Variants in NR2E1 observed in about 807,000 individuals in gnomAD.
NR2E1 encodes the protein nuclear receptor TLX.
Under a neutral mutation model 43.6 loss-of-function variants are expected in NR2E1, and 5 were observed. That is an observed-to-expected ratio of 0.11 (90% CI 0.06 to 0.24). The LOEUF is 0.24. Among genes scored for constraint, NR2E1 ranks in the 10% least tolerant of loss-of-function variants. The probability of loss-of-function intolerance (pLI) is 1.00; values close to 1 mark genes in which losing one functional copy is unlikely to be tolerated. For synonymous variants in NR2E1, 191 were observed against 195.5 expected, an observed-to-expected ratio of 0.98 and a Z score of 0.19; for missense variants, 287 against 496.7, an observed-to-expected ratio of 0.58 and a Z score of 4.01.
At chr6:108,185,702 A>G (rs955705703) in intron 8 of NR2E1, among the ~76,000 whole-genome samples, 3 of 152,160 alleles carry the variant, frequency 2.0e-5, no homozygotes, top group Admixed American at 1.3e-4. Flanking sequence ...ATACATTGCT[A>G]TTGTTTCTGG....
intron 1 of NR2E1, among the ~76,000 whole-genome samples, chr6:108,167,332 A>C (rs1773725780): frequency 6.6e-6 from 1 of 152,202 alleles, no homozygotes; most frequent in Non-Finnish European, 1.5e-5. Context: ...GGGGAATTTA[A>C]AGTATGGCGA....
chr6:108,174,723 G>A (rs2114674651), intron 2 of NR2E1, 113 bp from the exon 3 acceptor site: 2 of 826,148 alleles, frequency 2.4e-6, no homozygotes, highest in Middle Eastern at 3.4e-4. Context: ...GGGGCTCCAG[G>A]GCCTGCGGCC....
chr6:108,173,500 A>G (rs757564103), intron 2 of NR2E1, among the ~76,000 whole-genome samples: 5 of 152,222 alleles, frequency 3.3e-5, no homozygotes, highest in Admixed American at 1.3e-4. Flanking sequence ...GGATATGAAC[A>G]TCTGTCCCAC....
intron 1 of NR2E1, among the ~76,000 whole-genome samples, chr6:108,170,752 A>G (rs1248816785): frequency 1.3e-5 from 2 of 152,112 alleles, no homozygotes; most frequent in Admixed American, 6.5e-5. Context: ...GGGAACCGAC[A>G]ACTTGCGTCG....
intron 1 of NR2E1, among the ~76,000 whole-genome samples, chr6:108,167,170 C>T (rs1167579472): frequency 6.6e-6 from 1 of 152,142 alleles, no homozygotes; most frequent in Non-Finnish European, 1.5e-5. Context: ...CTCCGAGCTC[C>T]AGCGCGCAAA....
In NR2E1 at chr6:108,173,816, G is replaced by A. The variant is rs1582443913; in HGVS notation, c.172-1020G>A. On this transcript the variant is annotated intron_variant, in intron 2 of 8. Transcript: ENST00000368986. ...TATGTATCTATGCATATGTCCCCTC[G>A]GTAATGACATCTAACACTGAATAAA... Among the ~76,000 whole-genome samples, 3 of 152,004 alleles carry A rather than the reference G, an allele frequency of 2.0e-5. No individual in the cohort carries two copies. In the South Asian group the frequency reaches 6.2e-4, roughly 31 times the overall value.
chr6:108,170,667 A>G lies in NR2E1; in HGVS notation c.26-791A>G, dbSNP rs761427506. 3.2e-4 allele frequency among the ~76,000 whole-genome samples: 48 copies of G among 152,126 alleles called. 1 individual carries two copies. The highest frequency in any genetic ancestry group is 5.3e-4 in the Non-Finnish European group (36 of 68,024). Reference sequence around the variant, plus strand: ...GGGAGGAAGAGATCCACACAGGACCAAGTGTGTGGAGGCCAGTCTTCTAGG... The same window carrying G: ...GGGAGGAAGAGATCCACACAGGACCGAGTGTGTGGAGGCCAGTCTTCTAGG... On this transcript the variant is annotated intron_variant, in intron 1 of 8. Coordinates refer to ENST00000368986, the MANE Select transcript of NR2E1 (RefSeq NM_003269.5).
Position 108,167,922 on chromosome 6 carries a change from C to T in NR2E1, c.25+1132C>T, listed in dbSNP as rs1773737602. On this transcript the variant is annotated intron_variant, in intron 1 of 8. Transcript: ENST00000368986. ...TAAGTGGGATGCAATTCCCGCCCTC[C>T]TACCCCCCTCCAAGAAGGAGGTTGT... 3.9e-6 allele frequency: 5 copies of T among 1,284,980 alleles called. No individual in the cohort carries two copies. In the East Asian group the frequency reaches 1.0e-4, roughly 26 times the overall value. 79.6% of individuals were successfully genotyped at this position (1,284,980 alleles called of 1,614,324 possible).
chr6:108,167,625 G>C (rs1021151119), intron 1 of NR2E1, among the ~76,000 whole-genome samples: 2 of 152,132 alleles, frequency 1.3e-5, no homozygotes, highest in Non-Finnish European at 2.9e-5. Flanking sequence ...GCGCGGTCAC[G>C]GTGCTCAGAT....
chr6:108,171,658 T>C (rs1773814405), intron 2 of NR2E1, 55 bp downstream of exon 2: 4 of 1,609,876 alleles, frequency 2.5e-6, no homozygotes, highest in Non-Finnish European at 2.5e-6. Flanking sequence ...CCTCACTCTT[T>C]TGTTTGTGCC....
intron 4 of NR2E1, 123 bp from the exon 5 acceptor site, chr6:108,177,972 A>T: frequency 9.2e-7 from 1 of 1,082,934 alleles, no homozygotes; most frequent in Non-Finnish European, 1.4e-6. Flanking sequence ...CTGCATGTTT[A>T]AACAAAACAT....
chr6:108,174,956 T>C (rs1427068624), intron 3 of NR2E1, 33 bp downstream of exon 3: 4 of 1,580,840 alleles, frequency 2.5e-6, no homozygotes, highest in Non-Finnish European at 3.5e-6. Flanking sequence ...CCAATGTTGA[T>C]TGAGTAGTAA....
chr6:108,179,907 A>G (rs56190710), intron 5 of NR2E1, among the ~76,000 whole-genome samples: 7,623 of 152,140 alleles, frequency 0.05, 688 homozygotes, highest in African/African-American at 0.18. Flanking sequence ...CCCTCCAGGA[A>G]GATGGGGACC....
At chr6:108,167,036 C>A (rs1008823672) in intron 1 of NR2E1, among the ~76,000 whole-genome samples, 5 of 152,012 alleles carry the variant, frequency 3.3e-5, no homozygotes, top group African/African-American at 1.2e-4. Context: ...AGGTTACGAC[C>A]CGCGCAGCCC....
chr6:108,170,089 C>A (rs943429477), intron 1 of NR2E1, among the ~76,000 whole-genome samples: 3 of 151,766 alleles, frequency 2.0e-5, no homozygotes. Flanking sequence ...CCTCGAGGCC[C>A]TCCCCGCGCC....
rs909762034 is a variant in NR2E1 at position 108,169,346 on chromosome 6, C to T, written c.26-2112C>T. Among the ~76,000 whole-genome samples, 1 of 152,204 alleles carries T rather than the reference C, an allele frequency of 6.6e-6. No individual in the cohort carries two copies. The highest frequency in any genetic ancestry group is 2.4e-5 in the African/African-American group (1 of 41,456). On this transcript the variant is annotated intron_variant, in intron 1 of 8. Transcript: ENST00000368986. The surrounding 1 kb of genome is among the most constrained non-coding windows in gnomAD (Gnocchi z 6.1). Reference sequence around the variant, plus strand: ...GGGCGGGGGAATCCGAGGAGGGGCCCCCACCCTGCACTGGTCTTCCCTCCA... The same window carrying T: ...GGGCGGGGGAATCCGAGGAGGGGCCTCCACCCTGCACTGGTCTTCCCTCCA...
In NR2E1 at chr6:108,167,882, T is replaced by C. The variant is rs538538083; in HGVS notation, c.25+1092T>C. On this transcript the variant is annotated intron_variant, in intron 1 of 8. Transcript: ENST00000368986. ...AATCGGAGATACTTCTGAGGACTGGTAATGAAGTCTCACTTAAGTGGGATG... is the reference window on the plus strand; with the variant it reads ...AATCGGAGATACTTCTGAGGACTGGCAATGAAGTCTCACTTAAGTGGGATG... 3.8e-5 allele frequency: 28 copies of C among 731,284 alleles called. No homozygotes were observed. In the African/African-American group the frequency reaches 5.0e-4, roughly 13 times the overall value. 45.3% of individuals were successfully genotyped at this position (731,284 alleles called of 1,614,324 possible). A position where few individuals can be genotyped will look rare whatever the true frequency, so the allele number is the denominator to read the frequency against.
At chr6:108,183,818 T>C (rs977438567) in intron 8 of NR2E1, among the ~76,000 whole-genome samples, 2 of 152,260 alleles carry the variant, frequency 1.3e-5, no homozygotes, top group Non-Finnish European at 2.9e-5. Flanking sequence ...AAATGCATAT[T>C]GAATTACAGA....
At chr6:108,184,233 AAAAC>A (rs1388520743) in intron 8 of NR2E1, among the ~76,000 whole-genome samples, 1 of 152,142 alleles carries the variant, frequency 6.6e-6, no homozygotes, top group Non-Finnish European at 1.5e-5. Flanking sequence ...CAAAAAAACA[AAAAC>A]AAACTAACTT....
Sources: gnomAD v4.1 joint callset for allele counts (sites outside exome capture counted in the v4.1 genomes callset) on GRCh38, gnomAD v4.1.1 for gene constraint, Gnocchi (gnomAD v3.1) non-coding constraint, MANE v1.5 for transcripts, NCBI Gene and HGNC (gene_info 2026-07-23, HGNC 2026-07-21) for gene names.